PCDHGA1: variants seen among roughly 807,000 people sequenced by gnomAD.
The protein encoded by PCDHGA1 is protocadherin gamma-A1.
A neutral mutation model predicts 58.0 loss-of-function variants in PCDHGA1; 32 were observed. That is an observed-to-expected ratio of 0.55 (90% confidence interval 0.42 to 0.74). The LOEUF (loss-of-function observed/expected upper bound fraction) is 0.74, where lower values mean the gene tolerates loss of function less well. Among genes scored for constraint, PCDHGA1 ranks in the 30% least tolerant of loss-of-function variants. The pLI is 0.00. For missense variants in PCDHGA1, 1,205 were observed against 1,182.3 expected (o/e 1.02, Z -0.28); for synonymous variants, 498 against 501.1 (o/e 0.99, Z 0.08).
At position 141,489,295 on chromosome 5, in the gene PCDHGA1, T is replaced by C. The variant is rs2099685128; in HGVS notation, c.2422-5512T>C. 1.3e-6 allele frequency: 2 copies of C among 1,581,054 alleles called. No individual in the cohort carries two copies. The highest frequency in any genetic ancestry group is 1.7e-5 in the Admixed American group (1 of 57,148). ...TGGGAAATGGCAAGTGCTGTGCATG[T>C]TGTCCTTGTGCTGCTGGGGCTGGGT... On this transcript the variant is annotated intron_variant, in intron 1 of 3. Transcript: ENST00000517417. The surrounding 1 kb of genome is among the most constrained non-coding windows in gnomAD (Gnocchi z 4.5).
At chr5:141,400,747 G>GCTT (rs1302066014) in intron 1 of PCDHGA1, 9 of 602,662 alleles carry the variant, frequency 1.5e-5, no homozygotes, top group Admixed American at 6.5e-5. Context: ...TTTGCTCTTA[G>GCTT]CTTCCTCTCT....
chr5:141,331,943 T>G lies in PCDHGA1; in HGVS notation c.1259T>G (p.Ile420Ser). ...AGAGAACTTATCTCTGGGTACAACA[T>G]CACAATAACAGCAATAGACCAAGGA... ...LDRELISGYNITITAIDQGTP... is the reference protein window; with the variant it reads ...LDRELISGYNSTITAIDQGTP... The change falls in exon 1 of 4, where the codon ATC becomes AGC. Residue 420 changes from isoleucine (I) to serine (S), a missense_variant. Transcript: ENST00000517417. 1 of 1,614,114 alleles carries G rather than the reference T, an allele frequency of 6.2e-7. No homozygotes were observed. Among genetic ancestry groups the G allele is most frequent in the Non-Finnish European group, 8.5e-7 (1 of 1,180,040 alleles).
In PCDHGA1 at chr5:141,486,047, C is replaced by T. The variant is rs763394605; in HGVS notation, c.2422-8760C>T. Reference sequence around the variant, plus strand: ...TCATACCCCTGATCGTGTAAGAAACCTCTTTAGCCTGCACCCCACTACTGG... The same window carrying T: ...TCATACCCCTGATCGTGTAAGAAACTTCTTTAGCCTGCACCCCACTACTGG... On this transcript the variant is annotated intron_variant, in intron 1 of 3. Transcript: ENST00000517417. The surrounding 1 kb of genome is among the most constrained non-coding windows in gnomAD (Gnocchi z 5.0). 2.5e-6 allele frequency: 4 copies of T among 1,614,054 alleles called. No individual in the cohort carries two copies. The African/African-American group carries it at 5.3e-5, about 22-fold the overall frequency.
intron 1 of PCDHGA1, among the ~76,000 whole-genome samples, chr5:141,455,997 A>C (rs1373055623): frequency 1.3e-5 from 2 of 151,626 alleles, no homozygotes. Context: ...TCTCGGGTTC[A>C]TGCCATTCTC....
chr5:141,409,948 A>G, intron 1 of PCDHGA1: 1 of 1,613,348 alleles, frequency 6.2e-7, no homozygotes, highest in South Asian at 1.1e-5. Context: ...CTCGCTCTGC[A>G]GAGCCCGGCT....
At chr5:141,360,658 A>C in intron 1 of PCDHGA1, 1 of 1,613,590 alleles carries the variant, frequency 6.2e-7, no homozygotes, top group Non-Finnish European at 8.5e-7. Context: ...CCTTAATGAC[A>C]ACGAGTACTT....
Position 141,410,441 on chromosome 5 carries a change from A to T in PCDHGA1, c.2421+77336A>T. ...AGTTCCCCCCAACTACAGTGAGGGGACTTTGCCTTATTCTTATAATCTGTG... is the reference window on the plus strand; with the variant it reads ...AGTTCCCCCCAACTACAGTGAGGGGTCTTTGCCTTATTCTTATAATCTGTG... On this transcript the variant is annotated intron_variant, in intron 1 of 3. Transcript: ENST00000517417. 2 of 1,613,946 alleles carry T rather than the reference A, an allele frequency of 1.2e-6. 1 individual carries two copies. The highest frequency in any genetic ancestry group is 2.2e-5 in the South Asian group (2 of 91,074).
At chr5:141,375,775 C>A (rs1425476236) in intron 1 of PCDHGA1, 2 of 1,614,240 alleles carry the variant, frequency 1.2e-6, no homozygotes, top group East Asian at 2.2e-5. Flanking sequence ...AGATCCTGTA[C>A]CCCGCCCTCC....
chr5:141,457,118 A>G (rs1427146922), intron 1 of PCDHGA1, among the ~76,000 whole-genome samples: 3 of 152,228 alleles, frequency 2.0e-5, no homozygotes, highest in Non-Finnish European at 4.4e-5. Context: ...TACGACAGCA[A>G]TGGAAACTCT....
chr5:141,405,568 T>C, intron 1 of PCDHGA1: 1 of 606,666 alleles, frequency 1.6e-6, no homozygotes, highest in South Asian at 2.1e-5. Context: ...GGGACTAGAG[T>C]AGAGTAGCTG....
rs2097423534 is a variant in PCDHGA1 at position 141,431,850 on chromosome 5, C to A, written c.2422-62957C>A. 6.2e-7 allele frequency: 1 copy of A among 1,614,234 alleles called. No individual in the cohort carries two copies. ...GTTCCCGAAAACTCTCCCAGAGGGA[C>A]ATTAATTGCCCTTTTAAATGTAAAT... On this transcript the variant is annotated intron_variant, in intron 1 of 3. Coordinates refer to ENST00000517417, the MANE Select transcript of PCDHGA1 (RefSeq NM_018912.3). This position sits in a 1 kb window ranked among gnomAD's most constrained non-coding sequence, Gnocchi z 4.8.
At position 141,331,243 on chromosome 5, in the gene PCDHGA1, G is replaced by C; in HGVS notation, c.559G>C (p.Asp187His). Reference sequence around the variant, plus strand: ...CTCCCTGGATGTGCAACAGGGAGCCGATGGGCCTCAACATCCAGAGATGGT... The same window carrying C: ...CTCCCTGGATGTGCAACAGGGAGCCCATGGGCCTCAACATCCAGAGATGGT... ...HFSLDVQQGA[D>H]GPQHPEMVLQ... is the part of the protein sequence containing the mutation. Residue 187 changes from aspartate (D) to histidine (H), a missense_variant, in exon 1 of 4, where the codon GAT becomes CAT. Physicochemically the swap from Asp to His is moderately conservative, Grantham distance 81. Coordinates refer to ENST00000517417, the MANE Select transcript of PCDHGA1 (RefSeq NM_018912.3). 1 of 1,614,012 alleles carries C rather than the reference G, an allele frequency of 6.2e-7. No individual in the cohort carries two copies. The highest frequency in any genetic ancestry group is 2.2e-5 in the East Asian group (1 of 44,878).
intron 1 of PCDHGA1, among the ~76,000 whole-genome samples, chr5:141,369,416 C>T (rs1766232805): frequency 6.6e-6 from 1 of 152,038 alleles, no homozygotes; most frequent in Non-Finnish European, 1.5e-5. Flanking sequence ...ACTATAATCC[C>T]AGCAATTTGG....
intron 1 of PCDHGA1, chr5:141,389,993 G>T: frequency 6.2e-7 from 1 of 1,614,016 alleles, no homozygotes; most frequent in Non-Finnish European, 8.5e-7. Flanking sequence ...TCTTCCTCGT[G>T]GCCATGATTC....
intron 1 of PCDHGA1, chr5:141,389,301 A>T: frequency 6.2e-7 from 1 of 1,614,008 alleles, no homozygotes; most frequent in Non-Finnish European, 8.5e-7. Context: ...TTCACAAGTC[A>T]GGGCTTCTGA....
chr5:141,375,920 G>A, intron 1 of PCDHGA1: 1 of 1,613,748 alleles, frequency 6.2e-7, no homozygotes, highest in Admixed American at 1.7e-5. Flanking sequence ...CAAGGCCAGC[G>A]AGCCAGGACT....
Position 141,487,544 on chromosome 5 carries a change from C to A in PCDHGA1, c.2422-7263C>A. 1 of 1,614,190 alleles carries A rather than the reference C, an allele frequency of 6.2e-7. No homozygotes were observed. The highest frequency in any genetic ancestry group is 1.1e-5 in the South Asian group (1 of 91,088). On this transcript the variant is annotated intron_variant, in intron 1 of 3. Transcript: ENST00000517417. This position sits in a 1 kb window ranked among gnomAD's most constrained non-coding sequence, Gnocchi z 5.0. ...TGATAGCTTCATGATGGTGAAGTCA[C>A]CCAGTGCACCTATGGCAGGGGAGCC... is the stretch of plus-strand genomic sequence containing the variant.
Position 141,491,743 on chromosome 5 carries a change from A to G in PCDHGA1, c.2422-3064A>G, listed in dbSNP as rs752434173. ...GCCCCGGGCGACCCCTGGGGGCGGC[A>G]CTGGAGAAGCCGCCCGTCCTCATAA... On this transcript the variant is annotated intron_variant, in intron 1 of 3. Transcript: ENST00000517417. The surrounding 1 kb of genome is among the most constrained non-coding windows in gnomAD (Gnocchi z 6.9). 5.0e-6 allele frequency: 8 copies of G among 1,595,570 alleles called. No individual in the cohort carries two copies. In the Admixed American group the frequency reaches 1.4e-4, roughly 28 times the overall value.
At chr5:141,376,267 G>C (rs1021502624) in intron 1 of PCDHGA1, 2 of 1,614,092 alleles carry the variant, frequency 1.2e-6, no homozygotes, top group African/African-American at 2.7e-5. Context: ...TGCAGGCTTC[G>C]GGAGGTGGCT....
Sources: gnomAD v4.1 joint callset for allele counts (sites outside exome capture counted in the v4.1 genomes callset) on GRCh38, gnomAD v4.1.1 for gene constraint, Gnocchi (gnomAD v3.1) non-coding constraint, MANE v1.5 for transcripts, NCBI Gene and HGNC (gene_info 2026-07-23, HGNC 2026-07-21) for gene names.